Variants in CELF2 observed in about 807,000 individuals in gnomAD.
The protein encoded by CELF2 is CUGBP Elav-like family member 2, also known as CUG triplet repeat RNA-binding protein 2.
CELF2 carries 8 observed loss-of-function variants against 62.6 expected under a neutral mutation model. The observed-to-expected ratio is 0.13, with a 90% CI of 0.07 to 0.23. The LOEUF is 0.23. Ranked by LOEUF, CELF2 falls within the 10% of genes least tolerant of loss-of-function variation. The probability of loss-of-function intolerance (pLI) is 1.00; values close to 1 mark genes in which losing one functional copy is unlikely to be tolerated. For missense variants in CELF2, 333 were observed against 671.0 expected (o/e 0.50, Z 5.56); for synonymous variants, 258 against 250.0 (o/e 1.03, Z -0.30).
At chr10:11,056,840 A>G (rs2065354860) in intron 1 of CELF2, among the ~76,000 whole-genome samples, 1 of 152,222 alleles carries the variant, frequency 6.6e-6, no homozygotes, top group South Asian at 2.1e-4. Flanking sequence ...CATTAGCAAT[A>G]ACTCTGAAAA....
At chr10:10,858,930 A>C (rs1203651501) in intron 1 of CELF2, among the ~76,000 whole-genome samples, 1 of 152,190 alleles carries the variant, frequency 6.6e-6, no homozygotes, top group Non-Finnish European at 1.5e-5. Flanking sequence ...ATAAATTAAC[A>C]CTAGGACAGT....
At chr10:10,747,229 G>A in the CELF2 span, among the ~76,000 whole-genome samples, 54 of 152,264 alleles carry the variant, frequency 3.5e-4, 1 homozygote, top group African/African-American at 1.2e-3. Flanking sequence ...CCCACACTGG[G>A]GTGATAGAAT....
intron 2 of CELF2, among the ~76,000 whole-genome samples, chr10:11,194,285 C>T (rs901034419): frequency 1.3e-5 from 2 of 151,996 alleles, no homozygotes; most frequent in Admixed American, 6.6e-5. Context: ...AGGATGATCT[C>T]GATCTCTTGA....
At chr10:11,007,925 G>A (rs1373636110) in intron 1 of CELF2, among the ~76,000 whole-genome samples, 5 of 152,084 alleles carry the variant, frequency 3.3e-5, no homozygotes, top group East Asian at 1.9e-4. Context: ...AGTTAGGTAC[G>A]GAAACGAGGT....
the CELF2 span, among the ~76,000 whole-genome samples, chr10:10,616,972 G>T: frequency 6.6e-6 from 1 of 151,900 alleles, no homozygotes; most frequent in East Asian, 1.9e-4. Flanking sequence ...GCCTAGGCTG[G>T]TCTCAAACTC....
chr10:11,072,236 T>A (rs1053409573), intron 1 of CELF2, among the ~76,000 whole-genome samples: 1 of 152,204 alleles, frequency 6.6e-6, no homozygotes, highest in Non-Finnish European at 1.5e-5. Context: ...TATGTGTTTT[T>A]CTCTCCCAGG....
intron 9 of CELF2, 117 bp downstream of exon 9, chr10:11,288,669 A>C (rs1179742388): frequency 9.0e-7 from 1 of 1,109,730 alleles, no homozygotes; most frequent in African/African-American, 1.6e-5. Flanking sequence ...CCGGGATACT[A>C]TACTGGGCTG....
In CELF2 at chr10:11,267,749, A is replaced by C. The variant is rs749635394; in HGVS notation, c.618+1072A>C. Reference sequence around the variant, plus strand: ...AAAGCATGCTGGGAGCTAAGTGATCATTATGCGTCATGTTTTGTGGGCAAC... The same window carrying C: ...AAAGCATGCTGGGAGCTAAGTGATCCTTATGCGTCATGTTTTGTGGGCAAC... On this transcript the variant is annotated intron_variant, in intron 6 of 12. Transcript: ENST00000633077. The surrounding 1 kb of genome is among the most constrained non-coding windows in gnomAD (Gnocchi z 4.4). Among the ~76,000 whole-genome samples the C allele has an allele frequency of 3.3e-5, 5 of 152,060 alleles. No individual in the cohort carries two copies. The highest frequency in any genetic ancestry group is 7.4e-5 in the Non-Finnish European group (5 of 68,020).
chr10:10,490,108 T>C, the CELF2 span, among the ~76,000 whole-genome samples: 1 of 152,130 alleles, frequency 6.6e-6, no homozygotes, highest in African/African-American at 2.4e-5. Flanking sequence ...ATCACTCCTA[T>C]CATGTCATAA....
intron 1 of CELF2, among the ~76,000 whole-genome samples, chr10:11,128,523 T>G (rs2059099705): frequency 6.6e-6 from 1 of 152,246 alleles, no homozygotes; most frequent in Non-Finnish European, 1.5e-5. Flanking sequence ...GGAATGTTCT[T>G]CCATTTGTTT....
the CELF2 span, among the ~76,000 whole-genome samples, chr10:10,577,912 C>G: frequency 6.6e-6 from 1 of 152,128 alleles, no homozygotes; most frequent in Non-Finnish European, 1.5e-5. Flanking sequence ...ATTTCTAGTT[C>G]TAGATCCCTG....
chr10:11,115,114 A>G (rs1407925167), intron 1 of CELF2, among the ~76,000 whole-genome samples: 3 of 152,258 alleles, frequency 2.0e-5, no homozygotes, highest in South Asian at 2.1e-4. Context: ...CAAATGGTCC[A>G]GGATGCAGAT....
the CELF2 span, among the ~76,000 whole-genome samples, chr10:10,589,671 G>C: frequency 6.6e-6 from 1 of 152,150 alleles, no homozygotes; most frequent in African/African-American, 2.4e-5. Context: ...CAAGCTGGGG[G>C]TCATGGAAAT....
At chr10:10,835,737 T>C (rs1012743520) in intron 1 of CELF2, among the ~76,000 whole-genome samples, 2 of 152,178 alleles carry the variant, frequency 1.3e-5, no homozygotes, top group African/African-American at 4.8e-5. Context: ...CCTCTGAGTT[T>C]GCATGCCACG....
intron 1 of CELF2, among the ~76,000 whole-genome samples, chr10:10,918,415 G>A (rs1326011014): frequency 6.6e-6 from 1 of 152,200 alleles, no homozygotes; most frequent in Non-Finnish European, 1.5e-5. Context: ...AATCTTTATA[G>A]CAATAAAAGC....
chr10:10,811,913 A>G (rs1458326119), intron 1 of CELF2, among the ~76,000 whole-genome samples: 1 of 152,148 alleles, frequency 6.6e-6, no homozygotes, highest in Non-Finnish European at 1.5e-5. Flanking sequence ...GTTAGGAAAG[A>G]GAAAATCACC....
At chr10:10,857,058 G>A (rs530901105) in intron 1 of CELF2, among the ~76,000 whole-genome samples, 20 of 152,168 alleles carry the variant, frequency 1.3e-4, no homozygotes, top group Admixed American at 3.9e-4. Flanking sequence ...CAACAGCAAA[G>A]GAAGGGGAAA....
chr10:10,761,193 A>G, the CELF2 span, among the ~76,000 whole-genome samples: 3 of 152,208 alleles, frequency 2.0e-5, no homozygotes, highest in Non-Finnish European at 4.4e-5. Context: ...GTTGGCTGGA[A>G]TTGATTATTT....
the CELF2 span, among the ~76,000 whole-genome samples, chr10:10,730,570 G>T: frequency 6.6e-6 from 1 of 152,212 alleles, no homozygotes. Flanking sequence ...CTGAAAACAC[G>T]CATGTGGGAA....
Sources: allele counts gnomAD v4.1 joint callset (sites outside exome capture counted in the v4.1 genomes callset), GRCh38; gene constraint gnomAD v4.1.1; non-coding constraint Gnocchi (gnomAD v3.1); transcripts MANE v1.5; gene names NCBI Gene and HGNC (gene_info 2026-07-23, HGNC 2026-07-21).